Variants in NRG1 observed in about 807,000 individuals in gnomAD.
NRG1 encodes the protein neuregulin 1.
A neutral mutation model predicts 63.8 loss-of-function variants in NRG1; 18 were observed. The observed-to-expected ratio is 0.28, with a 90% CI of 0.19 to 0.42. The LOEUF (loss-of-function observed/expected upper bound fraction) is 0.42, where lower values mean the gene tolerates loss of function less well. Ranked by LOEUF, NRG1 falls within the 10% of genes least tolerant of loss-of-function variation. The pLI, the probability that NRG1 is intolerant of heterozygous loss-of-function variation, is 1.00. For synonymous variants in NRG1, 302 were observed against 301.3 expected (o/e 1.00, Z -0.02); for missense variants, 762 against 814.7 (o/e 0.94, Z 0.79).
At chr8:32,720,086 C>T (rs1452924408) in intron 5 of NRG1, among the ~76,000 whole-genome samples, 1 of 152,008 alleles carries the variant, frequency 6.6e-6, no homozygotes, top group East Asian at 1.9e-4. Context: ...CTTTCAGCTA[C>T]TTTCATTTCT....
At chr8:32,175,484 C>A (rs1300446094) in intron 1 of NRG1, among the ~76,000 whole-genome samples, 1 of 152,098 alleles carries the variant, frequency 6.6e-6, no homozygotes, top group Non-Finnish European at 1.5e-5. Flanking sequence ...TTGGCCAGGG[C>A]TATCAGGCAG....
intron 1 of NRG1, among the ~76,000 whole-genome samples, chr8:32,110,747 A>G (rs562560582): frequency 6.6e-6 from 1 of 152,268 alleles, no homozygotes; most frequent in Non-Finnish European, 1.5e-5. Flanking sequence ...ATCGCCAGTC[A>G]TGGTACTCAC....
At chr8:31,791,035 C>A (rs1463076796) in intron 1 of NRG1, among the ~76,000 whole-genome samples, 1 of 151,912 alleles carries the variant, frequency 6.6e-6, no homozygotes, top group South Asian at 2.1e-4. Context: ...CATGGTGAAA[C>A]CCTGTCCCTA....
intron 1 of NRG1, among the ~76,000 whole-genome samples, chr8:32,238,872 G>A (rs185988394): frequency 1.2e-3 from 185 of 152,290 alleles, no homozygotes; most frequent in African/African-American, 4.0e-3. Flanking sequence ...ACAGTGACCA[G>A]GCTGAGGATG....
At chr8:32,135,182 C>A (rs574084760) in intron 1 of NRG1, among the ~76,000 whole-genome samples, 2 of 152,244 alleles carry the variant, frequency 1.3e-5, no homozygotes, top group African/African-American at 4.8e-5. Flanking sequence ...AAGGCCAGAT[C>A]ATGGGAGCTT....
intron 5 of NRG1, among the ~76,000 whole-genome samples, chr8:32,674,758 T>C (rs548160564): frequency 9.9e-5 from 15 of 152,148 alleles, no homozygotes; most frequent in Non-Finnish European, 2.2e-4. Flanking sequence ...ATGGTATCAT[T>C]TAGTATAAAT....
chr8:31,778,753 T>A (rs781032391), intron 1 of NRG1, among the ~76,000 whole-genome samples: 1 of 152,214 alleles, frequency 6.6e-6, no homozygotes, highest in Non-Finnish European at 1.5e-5. Context: ...CTGAAGTGCA[T>A]TTTGCCTATG....
At chr8:31,987,975 T>C (rs1318101474) in intron 1 of NRG1, among the ~76,000 whole-genome samples, 1 of 152,114 alleles carries the variant, frequency 6.6e-6, no homozygotes, top group Non-Finnish European at 1.5e-5. Flanking sequence ...TATTTGTATT[T>C]CTGAGCTAAG....
At chr8:32,142,930 A>G (rs914919608) in intron 1 of NRG1, among the ~76,000 whole-genome samples, 3 of 152,254 alleles carry the variant, frequency 2.0e-5, no homozygotes, top group Non-Finnish European at 2.9e-5. Flanking sequence ...TCGTCTTCAG[A>G]AAACAAAGTT....
intron 1 of NRG1, among the ~76,000 whole-genome samples, chr8:32,517,074 C>G (rs1179206321): frequency 6.6e-6 from 1 of 152,032 alleles, no homozygotes; most frequent in African/African-American, 2.4e-5. Context: ...TAAAATTTGG[C>G]TGAATTTATA....
intron 1 of NRG1, among the ~76,000 whole-genome samples, chr8:31,876,303 G>T (rs1211161763): frequency 3.3e-5 from 5 of 152,116 alleles, no homozygotes; most frequent in Non-Finnish European, 4.4e-5. Flanking sequence ...TTAAAAATAT[G>T]GAGGCAATAA....
intron 1 of NRG1, among the ~76,000 whole-genome samples, chr8:32,386,445 G>T (rs776332828): frequency 6.6e-6 from 1 of 152,118 alleles, no homozygotes; most frequent in Non-Finnish European, 1.5e-5. Context: ...ACCTCTACTT[G>T]CTCATTCTAT....
At chr8:32,348,112 G>C (rs983666556) in intron 1 of NRG1, among the ~76,000 whole-genome samples, 2 of 152,056 alleles carry the variant, frequency 1.3e-5, no homozygotes, top group South Asian at 4.2e-4. Flanking sequence ...ATTACTCTAG[G>C]GGTTTATTGA....
chr8:31,706,200 T>C (rs917419733), intron 1 of NRG1, among the ~76,000 whole-genome samples: 1 of 152,174 alleles, frequency 6.6e-6, no homozygotes, highest in Admixed American at 6.5e-5. Flanking sequence ...TGAAAACTAC[T>C]GTTACTAGTT....
intron 1 of NRG1, among the ~76,000 whole-genome samples, chr8:31,749,566 A>T (rs1487697219): frequency 6.6e-6 from 1 of 151,810 alleles, no homozygotes; most frequent in East Asian, 1.9e-4. Flanking sequence ...TGCTTTACAC[A>T]AATTTTATCT....
At chr8:32,436,894 T>C (rs202097698) in intron 1 of NRG1, among the ~76,000 whole-genome samples, 4 of 149,540 alleles carry the variant, frequency 2.7e-5, no homozygotes, top group African/African-American at 9.8e-5. Context: ...TATACACACA[T>C]ACACACACAC....
chr8:31,671,813 A>G (rs1180621394), intron 1 of NRG1, among the ~76,000 whole-genome samples: 1 of 152,120 alleles, frequency 6.6e-6, no homozygotes, highest in Non-Finnish European at 1.5e-5. Flanking sequence ...TCAGTAGGAA[A>G]AAAGATACGT....
At chr8:31,715,054 T>C (rs1399937850) in intron 1 of NRG1, among the ~76,000 whole-genome samples, 1 of 152,138 alleles carries the variant, frequency 6.6e-6, no homozygotes, top group Non-Finnish European at 1.5e-5. Flanking sequence ...ATTTCACTGA[T>C]CATAGAAATG....
rs35582021 is a variant in NRG1 at position 32,281,184 on chromosome 8, C to CTTTTTTTTTT, written c.38-314642_38-314633dup. Among the ~76,000 whole-genome samples the CTTTTTTTTTT allele has an allele frequency of 2.3e-4, 22 of 94,324 alleles. 1 individual carries two copies. The highest frequency in any genetic ancestry group is 9.4e-4 in the African/African-American group (21 of 22,252). The allele number at this position is 94,324 out of a possible 152,430, so 61.9% of individuals were successfully genotyped here. On this transcript the variant is annotated intron_variant, in intron 1 of 10. Coordinates refer to the NRG1 transcript ENST00000519301. Reference sequence around the variant, plus strand: ...CATAGTACCCAATAGGTAGTTTTTCCTTTTTTTTTTTGAGACAGAATCTCG... The same window carrying CTTTTTTTTTT: ...CATAGTACCCAATAGGTAGTTTTTCCTTTTTTTTTTTTTTTTTTTTTGAGACAGAATCTCG...
Sources: allele counts gnomAD v4.1 joint callset (sites outside exome capture counted in the v4.1 genomes callset), GRCh38; gene constraint gnomAD v4.1.1; transcripts MANE v1.5; gene names NCBI Gene and HGNC (gene_info 2026-07-23, HGNC 2026-07-21).